The following FBXO11 variants were observed in gnomAD, a reference collection of about 807,000 sequenced individuals.
The protein encoded by FBXO11 is F-box protein 11.
FBXO11 carries 13 observed loss-of-function variants against 117.0 expected under a neutral mutation model. The observed-to-expected ratio is 0.11, with a 90% CI of 0.07 to 0.18. FBXO11 has a LOEUF of 0.18. FBXO11 is among the 10% of genes least tolerant of loss of function. The pLI is 1.00. For missense variants in FBXO11, 767 were observed against 1,164.4 expected (o/e 0.66, Z 4.97); for synonymous variants, 490 against 380.5 (o/e 1.29, Z -3.35).
rs370075177 is a variant in FBXO11, at chr2:47,839,480, T to C, written c.381A>G (p.Thr127=). Residue 127 remains threonine, a synonymous_variant, in exon 3 of 23, where the codon ACA becomes ACG. Transcript: ENST00000403359. ...GTTTTGCACGATGACCAAAGTTTTC[T>C]GTAGTTGAAGTTGAGGCGCCCTTCA... The part of the protein sequence containing the change: ...NSMEGASTST[T]ENFGHRAKRA... 1 of 1,614,078 alleles carries C rather than the reference T, an allele frequency of 6.2e-7. No homozygotes were observed. Among genetic ancestry groups the C allele is most frequent in the Non-Finnish European group, 8.5e-7 (1 of 1,180,016 alleles).
At position 47,807,506 on chromosome 2, in the gene FBXO11, T is replaced by C. The variant is rs540539639; in HGVS notation, c.*612A>G. 4 of 208,594 alleles carry C rather than the reference T, an allele frequency of 1.9e-5. No individual in the cohort carries two copies. Among genetic ancestry groups the C allele is most frequent in the Non-Finnish European group, 9.8e-6 (1 of 102,188 alleles). 12.9% of individuals were successfully genotyped at this position (208,594 alleles called of 1,614,324 possible). ...TTTAAGATTAGTGTTTTCTCTTTCA[T>C]AGAAAGAACGTACATACTGGGACAT... On this transcript the variant is annotated 3_prime_UTR_variant, in exon 23 of 23. Coordinates refer to ENST00000403359, the MANE Select transcript of FBXO11 (RefSeq NM_001190274.2).
At chr2:47,833,114 C>G (rs200318787) in intron 7 of FBXO11, 44 bp from the exon 8 acceptor site, 1 of 1,307,304 alleles carries the variant, frequency 7.6e-7, no homozygotes, top group African/African-American at 1.5e-5. Context: ...TATTCGATTT[C>G]AACAGATGGG....
intron 11 of FBXO11, 109 bp downstream of exon 11, chr2:47,832,240 C>T: frequency 3.4e-6 from 3 of 888,510 alleles, no homozygotes; most frequent in Non-Finnish European, 5.0e-6. Context: ...GCTTTTAAAC[C>T]TATACTCTTC....
At chr2:47,810,924 C>T (rs1002483946) in intron 18 of FBXO11, 6 of 152,296 alleles carry the variant, frequency 3.9e-5, no homozygotes, top group African/African-American at 1.4e-4. Flanking sequence ...ATGCCTCTTT[C>T]TCTAACAAAC....
intron 1 of FBXO11, among the ~76,000 whole-genome samples, chr2:47,890,888 G>A (rs573057810): frequency 1.3e-5 from 2 of 152,190 alleles, no homozygotes; most frequent in South Asian, 2.1e-4. Flanking sequence ...TGCAATCATA[G>A]CTCACCGCAG....
At chr2:47,870,105 C>A (rs1448582959) in intron 1 of FBXO11, among the ~76,000 whole-genome samples, 2 of 152,252 alleles carry the variant, frequency 1.3e-5, no homozygotes, top group Non-Finnish European at 2.9e-5. Flanking sequence ...ATTCTCCAGT[C>A]AACTGCCTTC....
chr2:47,885,021 A>C (rs1676715081), intron 1 of FBXO11, among the ~76,000 whole-genome samples: 1 of 152,244 alleles, frequency 6.6e-6, no homozygotes, highest in African/African-American at 2.4e-5. Flanking sequence ...ACAGTATTAT[A>C]AAGAAAGCAT....
At chr2:47,887,319 G>C (rs1272387082) in intron 1 of FBXO11, among the ~76,000 whole-genome samples, 1 of 150,336 alleles carries the variant, frequency 6.7e-6, no homozygotes, top group Non-Finnish European at 1.5e-5. Flanking sequence ...GGGGAGACAA[G>C]ACCCTATCTC....
intron 1 of FBXO11, among the ~76,000 whole-genome samples, chr2:47,857,505 T>TATAAA (rs1336837260): frequency 6.6e-6 from 1 of 152,032 alleles, no homozygotes; most frequent in Non-Finnish European, 1.5e-5. Flanking sequence ...AGACTACAAA[T>TATAAA]ATAAAATAAG....
intron 1 of FBXO11, among the ~76,000 whole-genome samples, chr2:47,863,952 A>C (rs1323136121): frequency 2.0e-5 from 3 of 152,046 alleles, no homozygotes; most frequent in Non-Finnish European, 4.4e-5. Flanking sequence ...AAAAAAAAAA[A>C]ACCAAAACCC....
Position 47,821,407 on chromosome 2 carries a change from G to A in FBXO11, c.1702+811C>T, listed in dbSNP as rs529913298. Among the ~76,000 whole-genome samples the A allele has an allele frequency of 4.8e-4, 73 of 152,144 alleles. No homozygotes were observed. In the East Asian group the frequency reaches 0.014, roughly 29 times the overall value. ...AGGCAGATCACAAGGTCAGGAGATC[G>A]AGACCATCCTGGCTAACATGGTGAA... On this transcript the variant is annotated intron_variant, in intron 13 of 22. Transcript: ENST00000403359.
chr2:47,840,566 T>G (rs900849087), intron 1 of FBXO11, among the ~76,000 whole-genome samples: 4 of 150,180 alleles, frequency 2.7e-5, no homozygotes, highest in African/African-American at 9.8e-5. Context: ...TCCTCCTGCC[T>G]CAGTATCCCA....
intron 1 of FBXO11, among the ~76,000 whole-genome samples, chr2:47,904,853 T>C (rs1678630265): frequency 6.6e-6 from 1 of 151,754 alleles, no homozygotes; most frequent in Non-Finnish European, 1.5e-5. Flanking sequence ...GGTTCGTAAC[T>C]AAAGACAAAC....
chr2:47,838,159 G>T (rs2937346), intron 4 of FBXO11, among the ~76,000 whole-genome samples: 1 of 151,854 alleles, frequency 6.6e-6, no homozygotes, highest in Non-Finnish European at 1.5e-5. Flanking sequence ...CTTGAGCCCA[G>T]AGGGTTGAGG....
rs1183866048 is a variant in FBXO11 at position 47,906,427 on chromosome 2, C to G, written c.-707G>C. On this transcript the variant is annotated 5_prime_UTR_variant, in exon 1 of 23. Transcript: ENST00000403359. ...CCTTTCCTCCTCCTCCTCGTCAGCC[C>G]TGTCGCCGCTGCTTCTGCTGCTGCT... Among the ~76,000 whole-genome samples, 1 of 152,190 alleles carries G rather than the reference C, an allele frequency of 6.6e-6. No homozygotes were observed. The highest frequency in any genetic ancestry group is 6.5e-5 in the Admixed American group (1 of 15,290).
At chr2:47,893,589 A>C (rs148507721) in intron 1 of FBXO11, among the ~76,000 whole-genome samples, 206 of 152,316 alleles carry the variant, frequency 1.4e-3, no homozygotes, top group African/African-American at 4.9e-3. Flanking sequence ...ACTAATTTCA[A>C]ATTTTATTTA....
At chr2:47,833,188 A>G in intron 7 of FBXO11, 118 bp from the exon 8 acceptor site, 1 of 645,558 alleles carries the variant, frequency 1.5e-6, no homozygotes. Flanking sequence ...AATATTCACT[A>G]TCAGTTAACT....
intron 1 of FBXO11, among the ~76,000 whole-genome samples, chr2:47,901,811 T>A (rs1287213867): frequency 6.6e-6 from 1 of 152,204 alleles, no homozygotes; most frequent in African/African-American, 2.4e-5. Context: ...AATAAATTCA[T>A]CAGAACGGGC....
intron 16 of FBXO11, among the ~76,000 whole-genome samples, chr2:47,815,352 A>T (rs1442737756): frequency 6.6e-6 from 1 of 152,112 alleles, no homozygotes; most frequent in Non-Finnish European, 1.5e-5. Flanking sequence ...GAAGGGAGAG[A>T]GTGACCTAGC....
Sources: allele counts gnomAD v4.1 joint callset (sites outside exome capture counted in the v4.1 genomes callset), GRCh38; gene constraint gnomAD v4.1.1; transcripts MANE v1.5; gene names NCBI Gene and HGNC (gene_info 2026-07-23, HGNC 2026-07-21).